The following GREB1L variants were observed in gnomAD, a reference collection of about 807,000 sequenced individuals.
The protein encoded by GREB1L is GREB1-like protein.
Under a neutral mutation model 200.8 loss-of-function variants are expected in GREB1L, and 17 were observed. The observed-to-expected ratio is 0.08, with a 90% CI of 0.06 to 0.13. The LOEUF is 0.13. GREB1L is among the 10% of genes least tolerant of loss of function. The probability of loss-of-function intolerance (pLI) is 1.00; values close to 1 mark genes in which losing one functional copy is unlikely to be tolerated. For synonymous variants in GREB1L, 789 were observed against 893.0 expected (o/e 0.88, Z 2.08); for missense variants, 1,657 against 2,367.7 (o/e 0.70, Z 6.23).
At chr18:21,251,288 C>T (rs539059101) in intron 1 of GREB1L, among the ~76,000 whole-genome samples, 1 of 152,300 alleles carries the variant, frequency 6.6e-6, no homozygotes, top group South Asian at 2.1e-4. Flanking sequence ...TTTCCATGAT[C>T]ATGTACCCTT....
chr18:21,456,590 T>C (rs2034774701), intron 15 of GREB1L, among the ~76,000 whole-genome samples: 1 of 152,190 alleles, frequency 6.6e-6, no homozygotes, highest in East Asian at 1.9e-4. Flanking sequence ...GTGACTGACA[T>C]GTGAAGTTTT....
chr18:21,346,894 C>T (rs1420358109), intron 1 of GREB1L, among the ~76,000 whole-genome samples: 1 of 152,092 alleles, frequency 6.6e-6, no homozygotes, highest in African/African-American at 2.4e-5. Flanking sequence ...AGGAAAGAAC[C>T]TCATCCTGCA....
At chr18:21,438,243 A>C (rs1340807668) in intron 7 of GREB1L, among the ~76,000 whole-genome samples, 2 of 152,198 alleles carry the variant, frequency 1.3e-5, no homozygotes, top group Non-Finnish European at 2.9e-5. Flanking sequence ...ACCACACTCC[A>C]GCCTGGATGA....
chr18:21,463,321 A>G (rs1007583052), intron 15 of GREB1L, among the ~76,000 whole-genome samples: 2 of 151,014 alleles, frequency 1.3e-5, no homozygotes, highest in Non-Finnish European at 3.0e-5. Flanking sequence ...AATTTTTTGT[A>G]TTTTTAATAG....
rs2037647350 is a variant in GREB1L at position 21,524,173 on chromosome 18, G to A, written c.*1352G>A. 6.6e-6 allele frequency: 1 copy of A among 152,054 alleles called. No individual in the cohort carries two copies. The highest frequency in any genetic ancestry group is 2.4e-5 in the African/African-American group (1 of 41,390). The allele number at this position is 152,054 out of a possible 1,614,324, so 9.4% of individuals were successfully genotyped here. ...GGCCATTTTTACTTGAATCAATCTTGTTTGTGACCTGAAACTACTGAGGGG... is the reference window on the plus strand; with the variant it reads ...GGCCATTTTTACTTGAATCAATCTTATTTGTGACCTGAAACTACTGAGGGG... On this transcript the variant is annotated 3_prime_UTR_variant, in exon 33 of 33. Transcript: ENST00000424526.
chr18:21,338,005 T>C (rs1177215415), intron 1 of GREB1L, among the ~76,000 whole-genome samples: 1 of 151,846 alleles, frequency 6.6e-6, no homozygotes, highest in Non-Finnish European at 1.5e-5. Flanking sequence ...AGAAAAAAAA[T>C]TCTTTTTTTC....
chr18:21,423,954 C>T (rs868062829), intron 7 of GREB1L, among the ~76,000 whole-genome samples: 1 of 152,186 alleles, frequency 6.6e-6, no homozygotes, highest in African/African-American at 2.4e-5. Flanking sequence ...CGTTCTTGCA[C>T]TTCTGGACTA....
intron 7 of GREB1L, among the ~76,000 whole-genome samples, chr18:21,409,501 G>A (rs2030700856): frequency 6.6e-6 from 1 of 152,300 alleles, no homozygotes; most frequent in Non-Finnish European, 1.5e-5. Flanking sequence ...GAATTGTATA[G>A]TTGAAATGGG....
chr18:21,455,905 T>A (rs2145488308), intron 15 of GREB1L, among the ~76,000 whole-genome samples: 1 of 141,670 alleles, frequency 7.1e-6, no homozygotes, highest in Admixed American at 7.0e-5. Context: ...GCTTTTTTTT[T>A]TTTTTTTTTT....
chr18:21,454,767 ATTG>A, intron 15 of GREB1L: 1 of 584,374 alleles, frequency 1.7e-6, no homozygotes, highest in South Asian at 2.0e-5. Context: ...TCAAGGGTAA[ATTG>A]TTGTGCATGT....
At chr18:21,465,396 T>C (rs1457448925) in intron 15 of GREB1L, among the ~76,000 whole-genome samples, 1 of 152,174 alleles carries the variant, frequency 6.6e-6, no homozygotes, top group African/African-American at 2.4e-5. Context: ...GTTCCATAGA[T>C]GTAATAATGA....
chr18:21,364,148 A>G (rs1392223666), intron 1 of GREB1L, among the ~76,000 whole-genome samples: 1 of 152,138 alleles, frequency 6.6e-6, no homozygotes, highest in East Asian at 1.9e-4. Context: ...CCACATAACT[A>G]ATATTCTTAT....
chr18:21,289,911 A>G (rs1318762533), intron 1 of GREB1L, among the ~76,000 whole-genome samples: 1 of 152,180 alleles, frequency 6.6e-6, no homozygotes, highest in South Asian at 2.1e-4. Context: ...GACAAGACAC[A>G]TAGTGTTTGT....
chr18:21,429,468 G>A (rs1428536524), intron 7 of GREB1L, among the ~76,000 whole-genome samples: 1 of 151,402 alleles, frequency 6.6e-6, no homozygotes, highest in African/African-American at 2.4e-5. Context: ...TCAGCCTCCT[G>A]AGTAGCTGGA....
At chr18:21,515,218 C>G (rs2037375840) in intron 28 of GREB1L, among the ~76,000 whole-genome samples, 199 bp from the exon 29 acceptor site, 1 of 152,134 alleles carries the variant, frequency 6.6e-6, no homozygotes. Context: ...AAGCCCCACC[C>G]CAAAAGGCAG....
chr18:21,256,301 T>G (rs1036195247), intron 1 of GREB1L, among the ~76,000 whole-genome samples: 2 of 152,200 alleles, frequency 1.3e-5, no homozygotes, highest in African/African-American at 2.4e-5. Context: ...GATGATTTAA[T>G]AATGGCCTGA....
intron 11 of GREB1L, among the ~76,000 whole-genome samples, chr18:21,446,318 C>T (rs190037230): frequency 1.5e-4 from 23 of 152,296 alleles, no homozygotes; most frequent in South Asian, 4.1e-4. Context: ...TCACCACGCC[C>T]GGCCTCCTTT....
At chr18:21,459,364 C>G (rs941266677) in intron 15 of GREB1L, among the ~76,000 whole-genome samples, 5 of 144,228 alleles carry the variant, frequency 3.5e-5, no homozygotes, top group Non-Finnish European at 6.0e-5. Flanking sequence ...CGGCTCACTG[C>G]AACCTCCGCC....
At chr18:21,283,262 G>A (rs2038301637) in intron 1 of GREB1L, among the ~76,000 whole-genome samples, 1 of 152,082 alleles carries the variant, frequency 6.6e-6, no homozygotes, top group African/African-American at 2.4e-5. Flanking sequence ...CTGATATTTT[G>A]CTGAACATAT....
Sources: allele counts gnomAD v4.1 joint callset (sites outside exome capture counted in the v4.1 genomes callset), GRCh38; gene constraint gnomAD v4.1.1; transcripts MANE v1.5; gene names NCBI Gene and HGNC (gene_info 2026-07-23, HGNC 2026-07-21).